The following NBAS variants were observed in gnomAD, a reference collection of about 807,000 sequenced individuals.
The protein encoded by NBAS is NAG/BC035112 fusion.
NBAS carries 219 observed loss-of-function variants against 302.5 expected under a neutral mutation model. The observed-to-expected ratio is 0.72, with a 90% CI of 0.65 to 0.81. The LOEUF is 0.81. NBAS is among the 30% of genes least tolerant of loss of function. The probability of loss-of-function intolerance (pLI) is 0.00; values close to 1 mark genes in which losing one functional copy is unlikely to be tolerated. For synonymous variants in NBAS, 1,118 were observed against 1,021.6 expected (o/e 1.09, Z -1.80); for missense variants, 2,932 against 2,841.6 (o/e 1.03, Z -0.72).
At position 15,377,053 on chromosome 2, in the gene NBAS, G is replaced by T. The variant is rs3805098; in HGVS notation, c.3591-2333C>A. On this transcript the variant is annotated intron_variant, in intron 30 of 51. Transcript: ENST00000281513. ...CTTTCAAAGGATGACAGAAAAGACA[G>T]AAATTGTAAAAGAACCACAATTTTA... is the stretch of plus-strand genomic sequence containing the variant. 3.3e-4 allele frequency among the ~76,000 whole-genome samples: 50 copies of T among 152,234 alleles called. No homozygotes were observed. The East Asian group carries it at 9.6e-3, about 29-fold the overall frequency.
the NBAS span, among the ~76,000 whole-genome samples, chr2:15,049,323 C>G: frequency 6.4e-4 from 97 of 152,348 alleles, no homozygotes; most frequent in African/African-American, 2.2e-3. Context: ...AGGCCTCCCA[C>G]ATGCCACCAC....
intron 38 of NBAS, among the ~76,000 whole-genome samples, chr2:15,311,623 T>A (rs144250843): frequency 6.6e-6 from 1 of 152,338 alleles, no homozygotes; most frequent in Non-Finnish European, 1.5e-5. Flanking sequence ...AGAACAGACT[T>A]AAATAGTCAC....
chr2:15,316,481 T>C lies in NBAS; in HGVS notation c.4583-7234A>G, dbSNP rs185487239. 1.4e-4 allele frequency among the ~76,000 whole-genome samples: 22 copies of C among 152,310 alleles called. 1 individual carries two copies. The East Asian group carries it at 4.3e-3, about 29-fold the overall frequency. ...TCCCTTTCCTAGCCAAGGGAAGCCA[T>C]GACACACTGTACCTGAAAAAAATGG... On this transcript the variant is annotated intron_variant, in intron 38 of 51. Transcript: ENST00000281513.
At chr2:15,144,044 TAA>T in the NBAS span, among the ~76,000 whole-genome samples, 928 of 94,862 alleles carry the variant, frequency 9.8e-3, 100 homozygotes, top group African/African-American at 0.044. Context: ...ATCCTATATA[TAA>T]AAATATATAT....
chr2:15,119,513 G>C, the NBAS span, among the ~76,000 whole-genome samples: 49 of 151,898 alleles, frequency 3.2e-4, no homozygotes, highest in Admixed American at 3.3e-4. Flanking sequence ...GCTAATTTTT[G>C]TATTTCTAGT....
Position 15,179,007 on chromosome 2 carries a change from T to C in NBAS, c.6821A>G (p.Gln2274Arg). 1 of 1,613,622 alleles carries C rather than the reference T, an allele frequency of 6.2e-7. No individual in the cohort carries two copies. Among genetic ancestry groups the C allele is most frequent in the Non-Finnish European group, 8.5e-7 (1 of 1,179,984 alleles). ...DEHLHEMALEQITAVTTVNDS... is the reference protein window; with the variant it reads ...DEHLHEMALERITAVTTVNDS... Reference sequence around the variant, plus strand: ...GCATACCGTAGTGACTGCCGTGATTTGCTCCAGTGCCATCTCGTGCAGATG... The same window carrying C: ...GCATACCGTAGTGACTGCCGTGATTCGCTCCAGTGCCATCTCGTGCAGATG... The change falls in exon 51 of 52, where the codon CAA becomes CGA. Residue 2274 changes from glutamine to arginine, a missense_variant. Gln to Arg is a conservative substitution (Grantham distance 43, BLOSUM62 1). Coordinates refer to ENST00000281513, the MANE Select transcript of NBAS (RefSeq NM_015909.4).
In NBAS at chr2:15,276,835, G is replaced by A. The variant is rs1669602761; in HGVS notation, c.5389+16C>T. Reference sequence around the variant, plus strand: ...ATTGAAAAGAATGAATTCAAGCAGGGAAACAACCATCCTACCTGATGCAAC... The same window carrying A: ...ATTGAAAAGAATGAATTCAAGCAGGAAAACAACCATCCTACCTGATGCAAC... On this transcript the variant is annotated intron_variant, in intron 43 of 51. Coordinates refer to ENST00000281513, the MANE Select transcript of NBAS (RefSeq NM_015909.4). 14 of 1,613,950 alleles carry A rather than the reference G, an allele frequency of 8.7e-6. No individual in the cohort carries two copies. The highest frequency in any genetic ancestry group is 1.2e-5 in the Non-Finnish European group (14 of 1,179,886).
intron 23 of NBAS, 88 bp downstream of exon 23, chr2:15,424,227 C>T: frequency 6.9e-7 from 1 of 1,440,356 alleles, no homozygotes; most frequent in Non-Finnish European, 9.7e-7. Context: ...TCCTGCACTG[C>T]TGTCAGCCCC....
At chr2:15,164,818 T>C (rs1663975109), downstream of NBAS, among the ~76,000 whole-genome samples, 1 of 152,214 alleles carries the variant, frequency 6.6e-6, no homozygotes. Flanking sequence ...TGTTGTTCCT[T>C]CTTTTTCTCT....
At chr2:15,306,563 AGG>A (rs1671042587) in intron 40 of NBAS, among the ~76,000 whole-genome samples, 1 of 152,170 alleles carries the variant, frequency 6.6e-6, no homozygotes, top group Admixed American at 6.5e-5. Context: ...ATGATTTGGA[AGG>A]TTGAGGCAGC....
chr2:14,848,247 G>A, the NBAS span, among the ~76,000 whole-genome samples: 5 of 151,104 alleles, frequency 3.3e-5, no homozygotes, highest in South Asian at 1.0e-3. Flanking sequence ...GAAGCAGGGC[G>A]AGGCATTGCC....
At chr2:15,014,577 C>A in the NBAS span, among the ~76,000 whole-genome samples, 3 of 151,814 alleles carry the variant, frequency 2.0e-5, no homozygotes, top group East Asian at 5.8e-4. Flanking sequence ...TTCCTCGAAA[C>A]AAATAAAAAT....
At chr2:15,113,456 G>T in the NBAS span, among the ~76,000 whole-genome samples, 55 of 151,542 alleles carry the variant, frequency 3.6e-4, no homozygotes, top group African/African-American at 1.3e-3. Flanking sequence ...TTGGGGAAAT[G>T]GATGATTCCA....
chr2:15,324,885 T>C (rs1183960202), intron 38 of NBAS, among the ~76,000 whole-genome samples: 1 of 152,226 alleles, frequency 6.6e-6, no homozygotes, highest in Non-Finnish European at 1.5e-5. Context: ...TCTCATCATT[T>C]AGTTATCAAC....
At chr2:14,881,317 T>C in the NBAS span, among the ~76,000 whole-genome samples, 2 of 152,160 alleles carry the variant, frequency 1.3e-5, no homozygotes, top group Admixed American at 6.5e-5. Flanking sequence ...TGGGTACACA[T>C]AGACATAAAA....
the NBAS span, among the ~76,000 whole-genome samples, chr2:14,873,464 G>A: frequency 4.6e-5 from 7 of 152,174 alleles, no homozygotes; most frequent in East Asian, 9.7e-4. Flanking sequence ...TGATCCACAC[G>A]CCTTCGCCTC....
chr2:15,333,372 G>A lies in NBAS; in HGVS notation c.4180-2607C>T, dbSNP rs1222004079. Among the ~76,000 whole-genome samples the A allele has an allele frequency of 2.0e-5, 3 of 152,282 alleles. No homozygotes were observed. The South Asian group carries it at 6.2e-4, about 32-fold the overall frequency. ...AAGAAGGTAGAGGTAAGCCCAGCAA[G>A]AGACCTATAAACCACGCCAAAGAAC... On this transcript the variant is annotated intron_variant, in intron 35 of 51. Transcript: ENST00000281513.
chr2:14,808,343 G>C, the NBAS span, among the ~76,000 whole-genome samples: 1 of 152,214 alleles, frequency 6.6e-6, no homozygotes, highest in Non-Finnish European at 1.5e-5. Context: ...GACAGCTGGT[G>C]AAATGGTTTG....
At chr2:15,358,470 G>T (rs1673734477) in intron 32 of NBAS, among the ~76,000 whole-genome samples, 1 of 151,980 alleles carries the variant, frequency 6.6e-6, no homozygotes. Flanking sequence ...TTAGAGATGT[G>T]GTTTCTCTCC....
Sources: gnomAD v4.1 joint callset for allele counts (sites outside exome capture counted in the v4.1 genomes callset) on GRCh38, gnomAD v4.1.1 for gene constraint, MANE v1.5 for transcripts, NCBI Gene and HGNC (gene_info 2026-07-23, HGNC 2026-07-21) for gene names.